BAZ1B: variants seen among roughly 807,000 people sequenced by gnomAD.
BAZ1B encodes the protein bromodomain adjacent to zinc finger domain 1B.
Under a neutral mutation model 153.8 loss-of-function variants are expected in BAZ1B, and 22 were observed. That is an observed-to-expected ratio of 0.14 (90% CI 0.10 to 0.20). The LOEUF is 0.20. Ranked by LOEUF, BAZ1B falls within the 10% of genes least tolerant of loss-of-function variation. BAZ1B has a pLI of 1.00. For missense variants in BAZ1B, 1,325 were observed against 1,799.3 expected, an observed-to-expected ratio of 0.74 and a Z score of 4.77; for synonymous variants, 676 against 633.4, an observed-to-expected ratio of 1.07 and a Z score of -1.01.
intron 1 of BAZ1B, among the ~76,000 whole-genome samples, chr7:73,513,524 C>T (rs539945667): frequency 6.6e-6 from 1 of 151,968 alleles, no homozygotes; most frequent in Non-Finnish European, 1.5e-5. Context: ...ATATGTAAAT[C>T]CAATCACCGA....
chr7:73,521,947 G>A lies in BAZ1B; in HGVS notation c.-14C>T, dbSNP rs1232820928. ...GAGCGGCGCCATCGCGGCGGCGGCGGTGGGGACTGGCGGCTGCTGGGGCCG... is the reference window on the plus strand; with the variant it reads ...GAGCGGCGCCATCGCGGCGGCGGCGATGGGGACTGGCGGCTGCTGGGGCCG... On this transcript the variant is annotated 5_prime_UTR_variant, in exon 1 of 20. Coordinates refer to ENST00000339594, the MANE Select transcript of BAZ1B (RefSeq NM_032408.4). The A allele has an allele frequency of 2.1e-6, 3 of 1,448,448 alleles. No homozygotes were observed. Among genetic ancestry groups the A allele is most frequent in the Non-Finnish European group, 2.7e-6 (3 of 1,092,350 alleles). 89.7% of individuals were successfully genotyped at this position (1,448,448 alleles called of 1,614,324 possible).
At chr7:73,442,136 T>TAGCCCCCCC in intron 19 of BAZ1B, 45 bp downstream of exon 19, 1 of 573,492 alleles carries the variant, frequency 1.7e-6, no homozygotes, top group Non-Finnish European at 3.2e-6. Context: ...CTCGCTCGCC[T>TAGCCCCCCC]CCCTCCCACC....
intron 3 of BAZ1B, among the ~76,000 whole-genome samples, chr7:73,501,730 A>C (rs1219883083): frequency 2.0e-5 from 3 of 152,088 alleles, no homozygotes; most frequent in Non-Finnish European, 4.4e-5. Context: ...CCCTTCTCCC[A>C]TGGATATATC....
intron 2 of BAZ1B, among the ~76,000 whole-genome samples, chr7:73,509,012 C>CAA (rs782573117): frequency 3.8e-5 from 4 of 104,780 alleles, no homozygotes; most frequent in Non-Finnish European, 4.0e-5. Context: ...GATTCCATCT[C>CAA]AAAAAAAAAA....
At chr7:73,449,759 C>T in intron 14 of BAZ1B, 70 bp from the exon 15 acceptor site, 5 of 1,522,492 alleles carry the variant, frequency 3.3e-6, no homozygotes, top group Non-Finnish European at 4.5e-6. Context: ...AAGGAAGAGG[C>T]AATCACCCTA....
At chr7:73,504,220 G>A (rs1046921428) in intron 3 of BAZ1B, among the ~76,000 whole-genome samples, 1 of 152,144 alleles carries the variant, frequency 6.6e-6, no homozygotes, top group Non-Finnish European at 1.5e-5. Flanking sequence ...TAAAGTATGT[G>A]ATTAGAACCC....
chr7:73,501,187 C>T (rs1050576379), intron 3 of BAZ1B, among the ~76,000 whole-genome samples: 7 of 149,720 alleles, frequency 4.7e-5, no homozygotes, highest in Non-Finnish European at 8.9e-5. Context: ...ACCTGGGATG[C>T]GGAGGTTGCG....
chr7:73,514,610 G>C (rs1473047125), intron 1 of BAZ1B, among the ~76,000 whole-genome samples: 5 of 151,358 alleles, frequency 3.3e-5, no homozygotes, highest in Admixed American at 2.6e-4. Flanking sequence ...AGGAGTTCAA[G>C]AGCAGCCTGG....
At chr7:73,491,196 G>C (rs548917245) in intron 5 of BAZ1B, among the ~76,000 whole-genome samples, 48 of 152,158 alleles carry the variant, frequency 3.2e-4, no homozygotes, top group Admixed American at 2.9e-3. Flanking sequence ...TGAGGCAGGA[G>C]AATCGCTTGA....
chr7:73,507,951 T>C (rs530562386), intron 3 of BAZ1B, among the ~76,000 whole-genome samples: 161 of 152,070 alleles, frequency 1.1e-3, no homozygotes, highest in Non-Finnish European at 2.0e-3. Context: ...AGTCAGGAGT[T>C]TGAGACCAGC....
intron 4 of BAZ1B, 152 bp downstream of exon 4, chr7:73,498,345 G>T: frequency 1.4e-6 from 1 of 728,772 alleles, no homozygotes; most frequent in Non-Finnish European, 2.3e-6. Flanking sequence ...TCATGTTGTG[G>T]ACATTTTAGT....
intron 1 of BAZ1B, among the ~76,000 whole-genome samples, chr7:73,521,463 C>T (rs1043393023): frequency 6.6e-6 from 1 of 152,158 alleles, no homozygotes; most frequent in Non-Finnish European, 1.5e-5. Context: ...AAGGAGAAAA[C>T]CTAGCTCCCC....
intron 1 of BAZ1B, among the ~76,000 whole-genome samples, chr7:73,511,782 A>C (rs1790588814): frequency 6.6e-6 from 1 of 151,356 alleles, no homozygotes. Context: ...GAACTTTGGG[A>C]GTCCGAGGCA....
chr7:73,445,750 C>T (rs1007474707), intron 16 of BAZ1B, among the ~76,000 whole-genome samples: 1 of 152,036 alleles, frequency 6.6e-6, no homozygotes, highest in Admixed American at 6.6e-5. Context: ...GTCCCAGCTG[C>T]TCAGGAGGCT....
intron 5 of BAZ1B, among the ~76,000 whole-genome samples, chr7:73,491,436 C>T (rs1789639803): frequency 1.3e-5 from 2 of 151,860 alleles, no homozygotes; most frequent in South Asian, 2.1e-4. Context: ...TCTGTCTCTA[C>T]AAAAAACACA....
chr7:73,444,004 C>T lies in BAZ1B; in HGVS notation c.3970G>A (p.Asp1324Asn), dbSNP rs1787728546. Residue 1324 changes from aspartate (D) to asparagine (N), a missense_variant, in exon 17 of 20, where the codon GAT becomes AAT. Coordinates refer to ENST00000339594, the MANE Select transcript of BAZ1B (RefSeq NM_032408.4). ...RSQPKAPPVD[D>N]AEVDELVLQT... ...CTCACCAGCTCATCCACCTCAGCATCATCCACAGGTGGTGCCTTGGGCTGA... is the reference window on the plus strand; with the variant it reads ...CTCACCAGCTCATCCACCTCAGCATTATCCACAGGTGGTGCCTTGGGCTGA... The T allele has an allele frequency of 6.2e-7, 1 of 1,613,544 alleles. No individual in the cohort carries two copies. The highest frequency in any genetic ancestry group is 8.5e-7 in the Non-Finnish European group (1 of 1,179,788).
intron 13 of BAZ1B, among the ~76,000 whole-genome samples, chr7:73,455,772 C>T (rs1273426457): frequency 6.6e-6 from 1 of 152,052 alleles, no homozygotes; most frequent in Non-Finnish European, 1.5e-5. Context: ...AGTAGAGACC[C>T]GTTTCTAAAG....
Position 73,477,498 on chromosome 7 carries a change from A to C in BAZ1B, c.1963T>G (p.Leu655Val). ...AGGAGGGTCTGTAAGAGGATGACCA[A>C]CACCCTGTTAAGGTATAAAAAGCCA... Reference protein sequence around the residue: ...KGGFLYLNRVLVILLQTLLQD... With the variant: ...KGGFLYLNRVVVILLQTLLQD... The change falls in exon 7 of 20, where the codon TTG becomes GTG. Residue 655 changes from leucine (L) to valine (V), a missense_variant. By Grantham distance (32) the Leu-to-Val change is conservative. This residue lies in a region of BAZ1B where 154 missense variants were observed against 266.3 expected (regional missense o/e 0.58). Transcript: ENST00000339594. This position sits in a 1 kb window ranked among gnomAD's most constrained non-coding sequence, Gnocchi z 5.6. The C allele has an allele frequency of 6.2e-7, 1 of 1,614,218 alleles. No individual in the cohort carries two copies. The highest frequency in any genetic ancestry group is 8.5e-7 in the Non-Finnish European group (1 of 1,180,026).
intron 1 of BAZ1B, among the ~76,000 whole-genome samples, chr7:73,521,090 C>A (rs1011995318): frequency 2.6e-5 from 4 of 152,060 alleles, no homozygotes; most frequent in Non-Finnish European, 5.9e-5. Context: ...ATAAAAACTT[C>A]ACGTCTTGGT....
Sources: allele counts gnomAD v4.1 joint callset (sites outside exome capture counted in the v4.1 genomes callset), GRCh38; gene constraint gnomAD v4.1.1; regional missense constraint gnomAD v4.1.1; non-coding constraint Gnocchi (gnomAD v3.1); transcripts MANE v1.5; gene names NCBI Gene and HGNC (gene_info 2026-07-23, HGNC 2026-07-21).